Variants in CNTNAP4 observed in about 807,000 individuals in gnomAD.
The protein encoded by CNTNAP4 is contactin-associated protein-like 4.
A neutral mutation model predicts 148.4 loss-of-function variants in CNTNAP4; 98 were observed. That is an observed-to-expected ratio of 0.66 (90% CI 0.56 to 0.78). The LOEUF is 0.78. CNTNAP4 is among the 30% of genes least tolerant of loss of function. The pLI, the probability that CNTNAP4 is intolerant of heterozygous loss-of-function variation, is 0.00. For synonymous variants in CNTNAP4, 730 were observed against 565.1 expected (o/e 1.29, Z -4.14); for missense variants, 1,935 against 1,565.6 (o/e 1.24, Z -3.98).
intron 3 of CNTNAP4, among the ~76,000 whole-genome samples, chr16:76,364,791 A>G (rs947973430): frequency 2.0e-5 from 3 of 152,136 alleles, no homozygotes; most frequent in African/African-American, 7.2e-5. Flanking sequence ...AATAGAGACG[A>G]GATTAAAAAA....
At chr16:76,373,447 TA>T (rs2015078763) in intron 3 of CNTNAP4, among the ~76,000 whole-genome samples, 1 of 152,218 alleles carries the variant, frequency 6.6e-6, no homozygotes, top group Non-Finnish European at 1.5e-5. Context: ...TGGCCTTGTC[TA>T]AGATTTTTTC....
chr16:76,419,237 T>TC (rs1402321136), intron 3 of CNTNAP4, among the ~76,000 whole-genome samples: 1 of 152,014 alleles, frequency 6.6e-6, no homozygotes, highest in Non-Finnish European at 1.5e-5. Context: ...TGCTTTTTTT[T>TC]CCTTAGGTAA....
Position 76,538,194 on chromosome 16 carries a change from G to C in CNTNAP4, c.3074G>C (p.Ser1025Thr), listed in dbSNP as rs1021770209. 2 of 1,605,848 alleles carry C rather than the reference G, an allele frequency of 1.2e-6. No homozygotes were observed. Among genetic ancestry groups the C allele is most frequent in the Non-Finnish European group, 8.5e-7 (1 of 1,177,050 alleles). The change falls in exon 19 of 24, where the codon AGC becomes ACC. Residue 1025 changes from serine (S) to threonine (T), a missense_variant. Coordinates refer to ENST00000611870, the MANE Select transcript of CNTNAP4 (RefSeq NM_033401.5). ...QENYLLSKNS[S>T]SHAASFHGDM... ...AATTATCTTTTAAGTAAAAACTCCA[G>C]CTCCCACGCTGCTTCATTTCATGGT...
chr16:76,486,753 T>C (rs189403994), intron 12 of CNTNAP4, among the ~76,000 whole-genome samples: 6 of 152,218 alleles, frequency 3.9e-5, no homozygotes, highest in Admixed American at 3.3e-4. Context: ...AGAGCCAAAG[T>C]CTCTCTATCA....
At chr16:76,518,061 A>G (rs2083315671) in intron 15 of CNTNAP4, among the ~76,000 whole-genome samples, 1 of 152,202 alleles carries the variant, frequency 6.6e-6, no homozygotes, top group Middle Eastern at 3.4e-3. Context: ...ATATGGATTT[A>G]TTCTTTTATA....
At chr16:76,416,723 C>T (rs2078998565) in intron 3 of CNTNAP4, among the ~76,000 whole-genome samples, 1 of 151,278 alleles carries the variant, frequency 6.6e-6, no homozygotes, top group African/African-American at 2.4e-5. Flanking sequence ...GTGAAATGTT[C>T]TCAAAATGTT....
intron 21 of CNTNAP4, among the ~76,000 whole-genome samples, chr16:76,543,176 T>A (rs1360575233): frequency 6.6e-6 from 1 of 151,740 alleles, no homozygotes; most frequent in African/African-American, 2.4e-5. Context: ...CAACTGACTC[T>A]CCTAAAAGTA....
intron 4 of CNTNAP4, among the ~76,000 whole-genome samples, chr16:76,435,763 T>C (rs2079800595): frequency 6.6e-6 from 1 of 152,148 alleles, no homozygotes; most frequent in African/African-American, 2.4e-5. Flanking sequence ...TGGGCCATCT[T>C]TTAATCCTTA....
rs922168719 is a variant in CNTNAP4 at position 76,452,676 on chromosome 16, C to A, written c.1240C>A (p.Leu414Met). 1 of 1,613,638 alleles carries A rather than the reference C, an allele frequency of 6.2e-7. No individual in the cohort carries two copies. The highest frequency in any genetic ancestry group is 1.7e-5 in the Admixed American group (1 of 59,974). The part of the protein sequence containing the change: ...AGLLLFSELQ[L>M]ISGGILLFLS... ...GCTTCTGCTGTTCAGTGAACTTCAG[C>A]TGATTTCAGGGGGTATCCTCCTCTT... Residue 414 changes from leucine to methionine, a missense_variant, in exon 8 of 24, where the codon CTG (leucine) becomes ATG (methionine). Leu to Met is a conservative substitution (Grantham distance 15). Coordinates refer to ENST00000611870, the MANE Select transcript of CNTNAP4 (RefSeq NM_033401.5).
intron 2 of CNTNAP4, among the ~76,000 whole-genome samples, chr16:76,344,656 TTTAGCAGTTA>T (rs1350896832): frequency 6.6e-6 from 1 of 152,224 alleles, no homozygotes; most frequent in East Asian, 1.9e-4. Flanking sequence ...TTGTCAAAAC[TTTAGCAGTTA>T]TGAATATTGT....
At position 76,448,003 on chromosome 16, in the gene CNTNAP4, T is replaced by C; in HGVS notation, c.539-9T>C. 1 of 1,600,768 alleles carries C rather than the reference T, an allele frequency of 6.2e-7. No individual in the cohort carries two copies. The highest frequency in any genetic ancestry group is 1.3e-5 in the African/African-American group (1 of 74,608). ...TCCTTAGAATGCCTTCTACTATCTT[T>C]GTTTCTAGGATCAGAAGTGGTTGAT... On this transcript the variant is annotated splice_polypyrimidine_tract_variant and intron_variant, in intron 4 of 23. Coordinates refer to ENST00000611870, the MANE Select transcript of CNTNAP4 (RefSeq NM_033401.5).
At chr16:76,321,178 C>A (rs1437255799) in intron 2 of CNTNAP4, among the ~76,000 whole-genome samples, 2 of 152,180 alleles carry the variant, frequency 1.3e-5, no homozygotes, top group East Asian at 3.9e-4. Flanking sequence ...TTTCCCAATA[C>A]CTATAGAATT....
chr16:76,503,502 T>A (rs569667436), intron 15 of CNTNAP4, among the ~76,000 whole-genome samples: 1 of 152,302 alleles, frequency 6.6e-6, no homozygotes, highest in African/African-American at 2.4e-5. Context: ...GTCACAGGAT[T>A]CAAGGTCAAT....
intron 8 of CNTNAP4, among the ~76,000 whole-genome samples, chr16:76,461,538 T>A (rs2080961445): frequency 6.6e-6 from 1 of 152,204 alleles, no homozygotes; most frequent in Admixed American, 6.5e-5. Flanking sequence ...TTGTAATGAT[T>A]GATGGTATAG....
intron 1 of CNTNAP4, among the ~76,000 whole-genome samples, chr16:76,313,175 A>T (rs2059048205): frequency 6.6e-6 from 1 of 152,130 alleles, no homozygotes; most frequent in South Asian, 2.1e-4. Flanking sequence ...AACAATATTG[A>T]TTCTTAATTT....
intron 1 of CNTNAP4, among the ~76,000 whole-genome samples, chr16:76,290,909 T>C (rs1959087946): frequency 6.6e-6 from 1 of 152,190 alleles, no homozygotes; most frequent in Admixed American, 6.5e-5. Context: ...CCTCCTGACT[T>C]GCAGATGACC....
In CNTNAP4 at chr16:76,553,733, C is replaced by T. The variant is rs866467048; in HGVS notation, c.3662-103C>T. On this transcript the variant is annotated intron_variant, in intron 22 of 23. Coordinates refer to ENST00000611870, the MANE Select transcript of CNTNAP4 (RefSeq NM_033401.5). ...TTGAAAATAACAGAGATCCCACATT[C>T]GCCTCCATAATTCTCTGTGGTTTAA... 25 of 727,592 alleles carry T rather than the reference C, an allele frequency of 3.4e-5. 1 individual carries two copies. In the Middle Eastern group the frequency reaches 7.2e-4, roughly 21 times the overall value. 45.1% of individuals were successfully genotyped at this position (727,592 alleles called of 1,614,324 possible).
At chr16:76,439,512 A>G (rs577486045) in intron 4 of CNTNAP4, among the ~76,000 whole-genome samples, 1 of 152,274 alleles carries the variant, frequency 6.6e-6, no homozygotes, top group East Asian at 1.9e-4. Flanking sequence ...AAAGTTGCAA[A>G]TGAATATTAG....
chr16:76,514,357 A>G (rs1468603970), intron 15 of CNTNAP4, among the ~76,000 whole-genome samples: 5 of 152,336 alleles, frequency 3.3e-5, no homozygotes, highest in South Asian at 2.1e-4. Flanking sequence ...ATAAAATTAT[A>G]TGTGTGTATG....
Sources: allele counts gnomAD v4.1 joint callset (sites outside exome capture counted in the v4.1 genomes callset), GRCh38; gene constraint gnomAD v4.1.1; transcripts MANE v1.5; gene names NCBI Gene and HGNC (gene_info 2026-07-23, HGNC 2026-07-21).